The following SLC2A11 variants were observed in gnomAD, a reference collection of about 807,000 sequenced individuals.
The protein encoded by SLC2A11 is solute carrier family 2 member 11.
In SLC2A11, 43 loss-of-function variants were observed where a neutral mutation model predicts 52.1. The ratio of observed to expected loss-of-function variants is 0.82; its 90% CI spans 0.65 to 1.06. The LOEUF is 1.06. SLC2A11 is among the 50% of genes least tolerant of loss of function. The probability of loss-of-function intolerance (pLI) is 0.00; values close to 1 mark genes in which losing one functional copy is unlikely to be tolerated. For missense variants in SLC2A11, 582 were observed against 654.2 expected (o/e 0.89, Z 1.20); for synonymous variants, 261 against 277.6 (o/e 0.94, Z 0.59).
chr22:23,884,337 G>C lies in SLC2A11; in HGVS notation c.1207G>C (p.Asp403His), dbSNP rs764557493. ...VTGILATELF[D>H]QMARPAACMV... is the part of the protein sequence containing the mutation. ...GGGGATCCTGGCCACAGAGCTGTTT[G>C]ACCAGATGGCCAGGCCTGCTGCCTG... Residue 403 changes from aspartate to histidine, a missense_variant, in exon 11 of 12, where the codon GAC (aspartate) becomes CAC (histidine). Asp to His is a moderately conservative substitution (Grantham distance 81, BLOSUM62 -1). Transcript: ENST00000316185. This position sits in a 1 kb window ranked among gnomAD's most constrained non-coding sequence, Gnocchi z 4.3. 1 of 1,613,924 alleles carries C rather than the reference G, an allele frequency of 6.2e-7. No homozygotes were observed. The highest frequency in any genetic ancestry group is 8.5e-7 in the Non-Finnish European group (1 of 1,180,006).
chr22:23,875,393 A>T lies in SLC2A11; in HGVS notation c.415+152A>T, dbSNP rs541627947. 5 of 1,004,300 alleles carry T rather than the reference A, an allele frequency of 5.0e-6. No homozygotes were observed. The African/African-American group carries it at 8.3e-5, about 17-fold the overall frequency. The allele number at this position is 1,004,300 out of a possible 1,614,324, so 62.2% of individuals were successfully genotyped here. A position where few individuals can be genotyped will look rare whatever the true frequency, so the allele number is the denominator to read the frequency against. On this transcript the variant is annotated intron_variant, in intron 4 of 11. Coordinates refer to ENST00000316185, the MANE Select transcript of SLC2A11 (RefSeq NM_001024939.4). ...TACCTTTGTCACAAAAGGATGTAGTATAGTTTATCTTAAAGGGCTCATATA... is the reference window on the plus strand; with the variant it reads ...TACCTTTGTCACAAAAGGATGTAGTTTAGTTTATCTTAAAGGGCTCATATA...
intron 8 of SLC2A11, 114 bp downstream of exon 8, chr22:23,882,983 A>G: frequency 2.0e-6 from 2 of 1,009,464 alleles, no homozygotes; most frequent in Non-Finnish European, 3.0e-6. Flanking sequence ...GTGAGGGGCC[A>G]GGTGCGGTGG....
At chr22:23,863,607 G>GTTTTTTTTTTTTTTTTTTTT (rs1568985269) in intron 2 of SLC2A11, among the ~76,000 whole-genome samples, 1 of 113,168 alleles carries the variant, frequency 8.8e-6, no homozygotes, top group South Asian at 3.0e-4. Context: ...CTCTCTCTCT[G>GTTTTTTTTTTTTTTTTTTTT]GTTTTTTTTT....
At position 23,878,565 on chromosome 22, in the gene SLC2A11, A is replaced by G. The variant is rs1195962849; in HGVS notation, c.694+696A>G. 1.3e-5 allele frequency among the ~76,000 whole-genome samples: 2 copies of G among 152,212 alleles called. 1 individual carries two copies. Among genetic ancestry groups the G allele is most frequent in the Non-Finnish European group, 2.9e-5 (2 of 68,042 alleles). The stretch of plus-strand genomic sequence containing the variant: ...CCTTTGGTTCCCTCGTGCCATTAAC[A>G]TTCCATTGGCCAAAGCGAGTCAGTC... On this transcript the variant is annotated intron_variant, in intron 6 of 11. Coordinates refer to ENST00000316185, the MANE Select transcript of SLC2A11 (RefSeq NM_001024939.4).
intron 6 of SLC2A11, chr22:23,882,219 CAG>C (rs1427526950): frequency 2.5e-5 from 14 of 552,430 alleles, no homozygotes; most frequent in African/African-American, 2.0e-4. Context: ...CACACAGACA[CAG>C]AGACAGAGAG....
At chr22:23,868,884 C>G in intron 3 of SLC2A11, 1 of 494,800 alleles carries the variant, frequency 2.0e-6, no homozygotes, top group South Asian at 4.2e-5. Context: ...TGTCTGCCAA[C>G]AAGTGCTAAC....
Position 23,877,865 on chromosome 22 carries a change from G to A in SLC2A11, c.690G>A (p.Leu230=), listed in dbSNP as rs766673126. The change falls in exon 6 of 12, where the codon CTG becomes CTA. Residue 230 remains leucine, a synonymous_variant. Coordinates refer to ENST00000316185, the MANE Select transcript of SLC2A11 (RefSeq NM_001024939.4). The stretch of plus-strand genomic sequence containing the variant: ...ACTGTGGAGACACCGAGGCCTGCCT[G>A]GCAGGTGAGTCTCTGTCCTTGGGCT... The part of the protein sequence containing the change: ...LIDCGDTEAC[L]AALRRLRGSG... 14 of 1,610,266 alleles carry A rather than the reference G, an allele frequency of 8.7e-6. No individual in the cohort carries two copies. Among genetic ancestry groups the A allele is most frequent in the Non-Finnish European group, 1.2e-5 (14 of 1,178,056 alleles).
chr22:23,860,013 G>C (rs544222447), intron 1 of SLC2A11, among the ~76,000 whole-genome samples: 22 of 152,300 alleles, frequency 1.4e-4, no homozygotes, highest in Non-Finnish European at 2.6e-4. Context: ...CAAATATCTA[G>C]GAAAATACCT....
At chr22:23,878,740 C>G (rs2032707240) in intron 6 of SLC2A11, among the ~76,000 whole-genome samples, 1 of 152,168 alleles carries the variant, frequency 6.6e-6, no homozygotes, top group Non-Finnish European at 1.5e-5. Context: ...TTATGTCTCT[C>G]CTCTGTGCAA....
chr22:23,870,207 A>G, intron 3 of SLC2A11: 1 of 596,486 alleles, frequency 1.7e-6, no homozygotes, highest in Middle Eastern at 2.6e-4. Flanking sequence ...GGAGGTAATA[A>G]CTATTGCGCG....
At position 23,883,845 on chromosome 22, in the gene SLC2A11, G is replaced by A. The variant is rs1273187403; in HGVS notation, c.1067G>A (p.Ser356Asn). 1.3e-6 allele frequency: 2 copies of A among 1,590,218 alleles called. No homozygotes were observed. Among genetic ancestry groups the A allele is most frequent in the African/African-American group, 1.4e-5 (1 of 73,570 alleles). Residue 356 changes from serine (S) to asparagine (N), a missense_variant, in exon 9 of 12, where the codon AGC becomes AAC. By Grantham distance (46) the Ser-to-Asn change is conservative. Transcript: ENST00000316185. ...TACAGCCTGATGACCTGCTGGGGGA[G>A]CATCTTCACTGTGGCCCTGTGCCTG... is the stretch of plus-strand genomic sequence containing the variant. ...GGYSLMTCWG[S>N]IFTVALCLQS...
Position 23,862,222 on chromosome 22 carries a change from G to A in SLC2A11, c.129+20G>A. The A allele has an allele frequency of 6.2e-7, 1 of 1,609,762 alleles. No homozygotes were observed. Among genetic ancestry groups the A allele is most frequent in the South Asian group, 1.1e-5 (1 of 90,996 alleles). ...ACCTTGGTATGTATCCTCTCTGGGT[G>A]GAGACTGTCCCTGTCTGAGTGGGTA... On this transcript the variant is annotated intron_variant, in intron 2 of 11. Transcript: ENST00000316185.
chr22:23,858,096 C>A, intron 1 of SLC2A11, 67 bp downstream of exon 1: 1 of 1,547,158 alleles, frequency 6.5e-7, no homozygotes, highest in Non-Finnish European at 8.8e-7. Context: ...GAGTGAACTG[C>A]GCAGGTGCAG....
At position 23,884,187 on chromosome 22, in the gene SLC2A11, G is replaced by A; in HGVS notation, c.1172-115G>A. The A allele has an allele frequency of 6.7e-7, 1 of 1,488,116 alleles. No individual in the cohort carries two copies. The highest frequency in any genetic ancestry group is 2.4e-5 in the East Asian group (1 of 41,052). 92.2% of individuals were successfully genotyped at this position (1,488,116 alleles called of 1,614,324 possible). A position where few individuals can be genotyped will look rare whatever the true frequency, so the allele number is the denominator to read the frequency against. On this transcript the variant is annotated intron_variant, in intron 10 of 11. Coordinates refer to ENST00000316185, the MANE Select transcript of SLC2A11 (RefSeq NM_001024939.4). This position sits in a 1 kb window ranked among gnomAD's most constrained non-coding sequence, Gnocchi z 4.3. ...GGGAATGGCAGGAGGAGAGCACTGA[G>A]GGGCCCCCCATACAGACTGGGCCTG... is the stretch of plus-strand genomic sequence containing the variant.
intron 6 of SLC2A11, among the ~76,000 whole-genome samples, chr22:23,879,258 CT>C (rs1417052577): frequency 1.3e-5 from 2 of 151,748 alleles, no homozygotes; most frequent in African/African-American, 4.8e-5. Flanking sequence ...CTTTTTTGTT[CT>C]TGTTTTTTTG....
At position 23,863,818 on chromosome 22, in the gene SLC2A11, A is replaced by G. The variant is rs115867738; in HGVS notation, c.129+1616A>G. Among the ~76,000 whole-genome samples, 998 of 151,938 alleles carry G rather than the reference A, an allele frequency of 6.6e-3. 11 individuals are homozygous for G. Among genetic ancestry groups the G allele is most frequent in the African/African-American group, 0.023 (960 of 41,410 alleles). ...ATTTTATTTGTATTTTTTAGTAGAG[A>G]TGGGGTCTCATCATGTTGCCCAGGC... is the stretch of plus-strand genomic sequence containing the variant. On this transcript the variant is annotated intron_variant, in intron 2 of 11. Transcript: ENST00000316185.
upstream of SLC2A11, chr22:23,856,970 G>T (rs1170558076): frequency 5.0e-6 from 8 of 1,611,086 alleles, no homozygotes; most frequent in Non-Finnish European, 6.8e-6. Context: ...AGGACGCACA[G>T]ATGAGAGCGC....
At chr22:23,876,431 G>C (rs1260858935) in intron 4 of SLC2A11, among the ~76,000 whole-genome samples, 1 of 152,094 alleles carries the variant, frequency 6.6e-6, no homozygotes, top group Non-Finnish European at 1.5e-5. Flanking sequence ...ACCTTGATGG[G>C]AGAACCCCTA....
chr22:23,883,833 C>T lies in SLC2A11; in HGVS notation c.1055C>T (p.Thr352Ile). 6.3e-7 allele frequency: 1 copy of T among 1,587,320 alleles called. No individual in the cohort carries two copies. Among genetic ancestry groups the T allele is most frequent in the Non-Finnish European group, 8.5e-7 (1 of 1,170,406 alleles). Residue 352 changes from threonine (T) to isoleucine (I), a missense_variant, in exon 9 of 12, where the codon ACC becomes ATC. Coordinates refer to ENST00000316185, the MANE Select transcript of SLC2A11 (RefSeq NM_001024939.4). ...VLLIGGYSLM[T>I]CWGSIFTVAL... Reference sequence around the variant, plus strand: ...CTCATCGGTGGGTACAGCCTGATGACCTGCTGGGGGAGCATCTTCACTGTG... The same window carrying T: ...CTCATCGGTGGGTACAGCCTGATGATCTGCTGGGGGAGCATCTTCACTGTG...
Sources: gnomAD v4.1 joint callset for allele counts (sites outside exome capture counted in the v4.1 genomes callset) on GRCh38, gnomAD v4.1.1 for gene constraint, Gnocchi (gnomAD v3.1) non-coding constraint, MANE v1.5 for transcripts, NCBI Gene and HGNC (gene_info 2026-07-23, HGNC 2026-07-21) for gene names.